FGGY: variants seen among roughly 807,000 people sequenced by gnomAD.
FGGY encodes FGGY carbohydrate kinase domain-containing protein.
A neutral mutation model predicts 71.3 loss-of-function variants in FGGY; 72 were observed. That is an observed-to-expected ratio of 1.01 (90% CI 0.84 to 1.23). FGGY has a LOEUF of 1.23. FGGY is among the 50% of genes most tolerant of loss of function. FGGY has a pLI of 0.00. For missense variants in FGGY, 668 were observed against 682.3 expected, an observed-to-expected ratio of 0.98 and a Z score of 0.23; for synonymous variants, 251 against 250.3, an observed-to-expected ratio of 1.00 and a Z score of -0.02.
chr1:59,661,133 G>C (rs1223806801), intron 12 of FGGY, among the ~76,000 whole-genome samples: 1 of 152,140 alleles, frequency 6.6e-6, no homozygotes, highest in Non-Finnish European at 1.5e-5. Flanking sequence ...AGTAACACCT[G>C]TTTTAAGCAA....
chr1:59,554,065 T>C, intron 7 of FGGY, 59 bp from the exon 8 acceptor site: 1 of 1,332,254 alleles, frequency 7.5e-7, no homozygotes, highest in Non-Finnish European at 1.1e-6. Flanking sequence ...GTTTTTAGCT[T>C]TCTCTCCCTC....
At chr1:59,445,837 A>G (rs1390065516) in intron 5 of FGGY, among the ~76,000 whole-genome samples, 1 of 152,204 alleles carries the variant, frequency 6.6e-6, no homozygotes, top group African/African-American at 2.4e-5. Context: ...AATGTTTTGT[A>G]AATATCTTTC....
chr1:59,646,551 T>C (rs961301909), intron 11 of FGGY, among the ~76,000 whole-genome samples: 1 of 150,658 alleles, frequency 6.6e-6, no homozygotes, highest in Non-Finnish European at 1.5e-5. Context: ...ATTTAAAATA[T>C]GTATTTTACT....
intron 9 of FGGY, among the ~76,000 whole-genome samples, chr1:59,618,440 A>C (rs1308180333): frequency 1.3e-5 from 2 of 152,124 alleles, no homozygotes; most frequent in African/African-American, 4.8e-5. Flanking sequence ...GCTGGCCACC[A>C]GAGGCCCAAG....
chr1:59,378,726 C>T, intron 4 of FGGY, 23 bp from the exon 5 acceptor site: 1 of 1,603,224 alleles, frequency 6.2e-7, no homozygotes, highest in Non-Finnish European at 8.5e-7. Context: ...CTAATTGATT[C>T]TAATATATAT....
At chr1:59,632,734 T>G in intron 10 of FGGY, among the ~76,000 whole-genome samples, 1 of 152,148 alleles carries the variant, frequency 6.6e-6, no homozygotes, top group East Asian at 1.9e-4. Context: ...TTCTAAAAAT[T>G]TTTCTCTCTT....
chr1:59,541,789 A>T (rs186643047), intron 7 of FGGY, among the ~76,000 whole-genome samples: 20 of 152,278 alleles, frequency 1.3e-4, no homozygotes, highest in Admixed American at 9.8e-4. Context: ...CAACAGCTTA[A>T]TGGTTAGAAA....
At chr1:59,671,059 C>A (rs2097372997) in intron 13 of FGGY, among the ~76,000 whole-genome samples, 1 of 152,216 alleles carries the variant, frequency 6.6e-6, no homozygotes, top group Non-Finnish European at 1.5e-5. Context: ...CAAAAGCATT[C>A]TCTGTGCACA....
At chr1:59,533,130 C>T (rs1051761947) in intron 7 of FGGY, among the ~76,000 whole-genome samples, 12 of 152,224 alleles carry the variant, frequency 7.9e-5, no homozygotes, top group South Asian at 2.1e-4. Context: ...AGTCAGTGGG[C>T]GCAGGACAGT....
chr1:59,739,057 G>A (rs1432152420), intron 14 of FGGY, among the ~76,000 whole-genome samples: 1 of 152,200 alleles, frequency 6.6e-6, no homozygotes, highest in East Asian at 1.9e-4. Flanking sequence ...GTGGGGAACA[G>A]AGCATTCCTG....
At chr1:59,638,162 T>A (rs759137334) in intron 10 of FGGY, 66 bp from the exon 11 acceptor site, 150 of 1,503,988 alleles carry the variant, frequency 1.0e-4, no homozygotes, top group Non-Finnish European at 1.3e-4. Flanking sequence ...AATGGTTTCT[T>A]TCTATAGAAT....
intron 8 of FGGY, among the ~76,000 whole-genome samples, chr1:59,569,995 G>A (rs1486340658): frequency 6.6e-6 from 1 of 152,160 alleles, no homozygotes; most frequent in African/African-American, 2.4e-5. Flanking sequence ...GTTCATTGCA[G>A]AAGAGTTCCT....
chr1:59,442,134 G>T (rs1170045003), intron 5 of FGGY, among the ~76,000 whole-genome samples: 1 of 152,128 alleles, frequency 6.6e-6, no homozygotes, highest in Non-Finnish European at 1.5e-5. Context: ...TGAAAGGTAT[G>T]GACTCTGCAG....
intron 7 of FGGY, among the ~76,000 whole-genome samples, chr1:59,533,433 C>T (rs1191074531): frequency 1.3e-5 from 2 of 152,226 alleles, no homozygotes; most frequent in South Asian, 2.1e-4. Context: ...GAGGGGCGCC[C>T]GCCATTGCCC....
At chr1:59,394,031 C>G (rs190175267) in intron 5 of FGGY, among the ~76,000 whole-genome samples, 1 of 152,248 alleles carries the variant, frequency 6.6e-6, no homozygotes, top group East Asian at 1.9e-4. Context: ...GACCAAAGGT[C>G]TGCGTAGTGT....
At chr1:59,706,316 GC>G in intron 14 of FGGY, among the ~76,000 whole-genome samples, 1 of 152,244 alleles carries the variant, frequency 6.6e-6, no homozygotes, top group South Asian at 2.1e-4. Flanking sequence ...TACTTGTGAG[GC>G]CTGGAGCAAG....
chr1:59,440,728 T>C (rs1330922693), intron 5 of FGGY, among the ~76,000 whole-genome samples: 2 of 150,000 alleles, frequency 1.3e-5, no homozygotes, highest in Non-Finnish European at 3.0e-5. Flanking sequence ...AATGCTATGA[T>C]AGGAAGCAAT....
chr1:59,441,948 C>T (rs2070016058), intron 5 of FGGY, among the ~76,000 whole-genome samples: 1 of 152,164 alleles, frequency 6.6e-6, no homozygotes, highest in Non-Finnish European at 1.5e-5. Flanking sequence ...CTGGTGAACT[C>T]CTACTCATAT....
At chr1:59,760,168 AAAG>A (rs1249132093) in intron 15 of FGGY, among the ~76,000 whole-genome samples, 1 of 152,232 alleles carries the variant, frequency 6.6e-6, no homozygotes, top group Non-Finnish European at 1.5e-5. Flanking sequence ...ATATTTCCCC[AAAG>A]AAGATTTATA....
Sources: allele counts gnomAD v4.1 joint callset (sites outside exome capture counted in the v4.1 genomes callset), GRCh38; gene constraint gnomAD v4.1.1; transcripts MANE v1.5; gene names NCBI Gene and HGNC (gene_info 2026-07-23, HGNC 2026-07-21).